KCND2: variants seen among roughly 807,000 people sequenced by gnomAD.
KCND2 encodes the protein potassium voltage-gated channel subfamily D member 2.
A neutral mutation model predicts 54.4 loss-of-function variants in KCND2; 16 were observed. The ratio of observed to expected loss-of-function variants is 0.29; its 90% CI spans 0.20 to 0.45. The LOEUF is 0.45. Ranked by LOEUF, KCND2 falls within the 20% of genes least tolerant of loss-of-function variation. The pLI is 1.00. For synonymous variants in KCND2, 317 were observed against 310.7 expected (o/e 1.02, Z -0.21); for missense variants, 486 against 824.2 (o/e 0.59, Z 5.02).
At chr7:120,741,809 G>A (rs534250238) in intron 3 of KCND2, among the ~76,000 whole-genome samples, 180 bp downstream of exon 3, 1 of 152,058 alleles carries the variant, frequency 6.6e-6, no homozygotes, top group Admixed American at 6.6e-5. Flanking sequence ...GCTGTAGAAG[G>A]TTAGAAACTT....
chr7:120,595,591 G>GTATATATATATATATATATATA (rs58301382), intron 1 of KCND2, among the ~76,000 whole-genome samples: 12 of 131,892 alleles, frequency 9.1e-5, no homozygotes, highest in African/African-American at 3.4e-4. Context: ...GTGTGTGTGT[G>GTATATATATATATATATATATA]TATATATATA....
rs1469723350 is a variant in KCND2, at chr7:120,545,113, G to C, written c.1116-187790G>C. On this transcript the variant is annotated intron_variant, in intron 1 of 5. Coordinates refer to ENST00000331113, the MANE Select transcript of KCND2 (RefSeq NM_012281.3). ...ACATTACCATAGGTGTAAATATTTAGATTCTAATCCTAAAACATGTATTTC... is the reference window on the plus strand; with the variant it reads ...ACATTACCATAGGTGTAAATATTTACATTCTAATCCTAAAACATGTATTTC... 2.0e-5 allele frequency among the ~76,000 whole-genome samples: 3 copies of C among 151,802 alleles called. No homozygotes were observed. The East Asian group carries it at 5.8e-4, about 29-fold the overall frequency.
intron 1 of KCND2, among the ~76,000 whole-genome samples, chr7:120,703,783 A>G (rs566583065): frequency 1.3e-5 from 2 of 152,324 alleles, no homozygotes; most frequent in East Asian, 3.9e-4. Flanking sequence ...TAGGTCAGAC[A>G]GGACTTCCAC....
chr7:120,409,680 T>A (rs180683855), intron 1 of KCND2, among the ~76,000 whole-genome samples: 1 of 151,096 alleles, frequency 6.6e-6, no homozygotes, highest in East Asian at 1.9e-4. Context: ...TTGGCCATAC[T>A]TTTTTTTTGG....
intron 1 of KCND2, among the ~76,000 whole-genome samples, chr7:120,626,024 C>T (rs1441263138): frequency 1.3e-5 from 2 of 151,928 alleles, no homozygotes; most frequent in African/African-American, 4.8e-5. Flanking sequence ...AAACAAGAAC[C>T]CATTTTCAAT....
intron 1 of KCND2, among the ~76,000 whole-genome samples, chr7:120,584,087 C>A (rs1474832969): frequency 6.6e-6 from 1 of 152,150 alleles, no homozygotes; most frequent in African/African-American, 2.4e-5. Flanking sequence ...TTGAGAAATT[C>A]TCTTGAAACT....
chr7:120,391,153 T>G (rs1048024357), intron 1 of KCND2, among the ~76,000 whole-genome samples: 8 of 152,004 alleles, frequency 5.3e-5, no homozygotes, highest in Non-Finnish European at 1.2e-4. Context: ...CACTAATGAG[T>G]GAGAACATGC....
At chr7:120,468,137 T>G (rs181619227) in intron 1 of KCND2, among the ~76,000 whole-genome samples, 2 of 152,200 alleles carry the variant, frequency 1.3e-5, no homozygotes, top group East Asian at 3.9e-4. Flanking sequence ...GCTGGTTTAG[T>G]AATTGGGATG....
Position 120,359,216 on chromosome 7 carries a change from T to C in KCND2, c.1115+83469T>C, listed in dbSNP as rs188061491. On this transcript the variant is annotated intron_variant, in intron 1 of 5. Coordinates refer to ENST00000331113, the MANE Select transcript of KCND2 (RefSeq NM_012281.3). ...AATGGCCATTTTTGGAAAGATTTTG[T>C]GCTCTGTGCACAATTTTTTTCTTCA... 2.3e-3 allele frequency among the ~76,000 whole-genome samples: 353 copies of C among 152,326 alleles called. 2 individuals are homozygous for C. The highest frequency in any genetic ancestry group is 6.5e-3 in the Admixed American group (100 of 15,278).
chr7:120,536,807 G>C (rs558172764), intron 1 of KCND2, among the ~76,000 whole-genome samples: 4 of 152,200 alleles, frequency 2.6e-5, no homozygotes, highest in Non-Finnish European at 5.9e-5. Context: ...CTGAAGTCTT[G>C]AACTCCTCAA....
intron 1 of KCND2, among the ~76,000 whole-genome samples, chr7:120,408,191 C>G (rs149201108): frequency 6.6e-6 from 1 of 151,560 alleles, no homozygotes; most frequent in Non-Finnish European, 1.5e-5. Context: ...GTTTGTAGCT[C>G]GAAATACTAA....
At chr7:120,603,325 A>G (rs1792837868) in intron 1 of KCND2, among the ~76,000 whole-genome samples, 1 of 152,200 alleles carries the variant, frequency 6.6e-6, no homozygotes, top group Non-Finnish European at 1.5e-5. Context: ...AATCTATGAG[A>G]CGTGCCCCTT....
chr7:120,593,842 A>G (rs1411786042), intron 1 of KCND2, among the ~76,000 whole-genome samples: 1 of 152,080 alleles, frequency 6.6e-6, no homozygotes, highest in African/African-American at 2.4e-5. Context: ...CTTCACTCCA[A>G]TTATCCCTCA....
At chr7:120,533,568 GATA>G (rs1162155172) in intron 1 of KCND2, among the ~76,000 whole-genome samples, 1 of 152,084 alleles carries the variant, frequency 6.6e-6, no homozygotes, top group Non-Finnish European at 1.5e-5. Flanking sequence ...TCTTAAAAAT[GATA>G]ATATGTTTGT....
chr7:120,480,464 C>T (rs1401016283), intron 1 of KCND2, among the ~76,000 whole-genome samples: 1 of 152,114 alleles, frequency 6.6e-6, no homozygotes, highest in African/African-American at 2.4e-5. Context: ...TTTCACATGG[C>T]AAATAAATGA....
chr7:120,280,445 A>T (rs1799243734), intron 1 of KCND2, among the ~76,000 whole-genome samples: 1 of 152,046 alleles, frequency 6.6e-6, no homozygotes, highest in South Asian at 2.1e-4. Flanking sequence ...ACCCTAGAGA[A>T]AACGCTATTT....
At chr7:120,528,251 A>C (rs760920091) in intron 1 of KCND2, among the ~76,000 whole-genome samples, 1 of 152,146 alleles carries the variant, frequency 6.6e-6, no homozygotes, top group Non-Finnish European at 1.5e-5. Flanking sequence ...TCTCAATTGT[A>C]ATATAAAAGT....
At chr7:120,563,954 A>G (rs1252056773) in intron 1 of KCND2, among the ~76,000 whole-genome samples, 1 of 152,210 alleles carries the variant, frequency 6.6e-6, no homozygotes, top group African/African-American at 2.4e-5. Flanking sequence ...GCCTCTTTAC[A>G]TATAATCTAT....
chr7:120,675,370 A>G (rs530311021), intron 1 of KCND2, among the ~76,000 whole-genome samples: 1 of 151,270 alleles, frequency 6.6e-6, no homozygotes, highest in African/African-American at 2.4e-5. Flanking sequence ...GATTACAGGT[A>G]TGCACCACCA....
Sources: allele counts gnomAD v4.1 joint callset (sites outside exome capture counted in the v4.1 genomes callset), GRCh38; gene constraint gnomAD v4.1.1; transcripts MANE v1.5; gene names NCBI Gene and HGNC (gene_info 2026-07-23, HGNC 2026-07-21).